Variants in CCDC13 observed in about 807,000 individuals in gnomAD.
CCDC13 encodes coiled-coil domain-containing protein 13.
A neutral mutation model predicts 87.3 loss-of-function variants in CCDC13; 70 were observed. That is an observed-to-expected ratio of 0.80 (90% CI 0.66 to 0.98). The LOEUF (loss-of-function observed/expected upper bound fraction) is 0.98, where lower values mean the gene tolerates loss of function less well. Among genes scored for constraint, CCDC13 ranks in the 50% least tolerant of loss-of-function variants. The pLI is 0.00. For synonymous variants in CCDC13, 317 were observed against 360.3 expected (o/e 0.88, Z 1.36); for missense variants, 842 against 892.0 (o/e 0.94, Z 0.71).
chr3:42,756,105 T>G (rs985314675), intron 3 of CCDC13, among the ~76,000 whole-genome samples: 1 of 152,168 alleles, frequency 6.6e-6, no homozygotes, highest in Non-Finnish European at 1.5e-5. Flanking sequence ...AGAGCTTTGG[T>G]CCTATGAACG....
intron 9 of CCDC13, among the ~76,000 whole-genome samples, chr3:42,736,223 G>C (rs1699014207): frequency 6.6e-6 from 1 of 152,188 alleles, no homozygotes; most frequent in South Asian, 2.1e-4. Flanking sequence ...GAGATATTTA[G>C]CTAAAAGAAA....
rs111957638 is a variant in CCDC13, at chr3:42,707,422, C to T, written c.*1558G>A. ...TAACTTGCTGTGGGATCTCTAGATC[C>T]GTGTGACCCCATGCAGGGTCAGGGG... is the stretch of plus-strand genomic sequence containing the variant. On this transcript the variant is annotated 3_prime_UTR_variant, in exon 16 of 16. Coordinates refer to ENST00000310232, the MANE Select transcript of CCDC13 (RefSeq NM_144719.4). 3.3e-5 allele frequency among the ~76,000 whole-genome samples: 5 copies of T among 152,250 alleles called. No homozygotes were observed. Among genetic ancestry groups the T allele is most frequent in the Middle Eastern group, 3.4e-3 (1 of 294 alleles).
intron 1 of CCDC13, among the ~76,000 whole-genome samples, chr3:42,767,400 T>C (rs1346700371): frequency 6.6e-6 from 1 of 152,172 alleles, no homozygotes; most frequent in African/African-American, 2.4e-5. Flanking sequence ...TATAAAACTC[T>C]GGGAAAAGAC....
At chr3:42,747,459 C>T in intron 5 of CCDC13, 86 bp from the exon 6 acceptor site, 1 of 926,618 alleles carries the variant, frequency 1.1e-6, no homozygotes, top group Non-Finnish European at 1.7e-6. Flanking sequence ...CAAGTCTGTG[C>T]CAGGCACTGT....
At chr3:42,763,101 A>C (rs140011271) in intron 1 of CCDC13, among the ~76,000 whole-genome samples, 2 of 152,352 alleles carry the variant, frequency 1.3e-5, no homozygotes, top group South Asian at 2.1e-4. Context: ...GAACAGAAAA[A>C]GGAAAGTGAT....
intron 1 of CCDC13, among the ~76,000 whole-genome samples, chr3:42,764,388 C>T (rs1203559832): frequency 1.3e-5 from 2 of 152,322 alleles, no homozygotes; most frequent in East Asian, 3.9e-4. Context: ...TTAGTTTACA[C>T]CAGCTTCTTT....
intron 5 of CCDC13, among the ~76,000 whole-genome samples, chr3:42,751,724 C>T (rs183690143): frequency 3.3e-5 from 5 of 152,378 alleles, no homozygotes; most frequent in East Asian, 1.9e-4. Context: ...GCTTCCGACA[C>T]GACATTCTTG....
intron 9 of CCDC13, among the ~76,000 whole-genome samples, chr3:42,737,385 C>T (rs1424199314): frequency 6.6e-6 from 1 of 152,118 alleles, no homozygotes; most frequent in Admixed American, 6.6e-5. Context: ...CGTGTGCATG[C>T]GTCTTTATAG....
At chr3:42,770,667 G>C (rs1701574961) in intron 1 of CCDC13, 1 of 152,332 alleles carries the variant, frequency 6.6e-6, no homozygotes, top group African/African-American at 2.4e-5. Context: ...ACTAAATCTT[G>C]CTACTGCTCA....
At chr3:42,759,572 T>C (rs1490535875) in intron 1 of CCDC13, among the ~76,000 whole-genome samples, 1 of 152,204 alleles carries the variant, frequency 6.6e-6, no homozygotes, top group East Asian at 1.9e-4. Context: ...CTGGCTTCTT[T>C]TTTGCTCAGC....
chr3:42,710,919 T>C (rs1332795081), intron 14 of CCDC13, among the ~76,000 whole-genome samples: 1 of 151,984 alleles, frequency 6.6e-6, no homozygotes, highest in African/African-American at 2.4e-5. Context: ...TTCAGCCTGA[T>C]GGAATTTTCT....
At chr3:42,727,109 T>C (rs3912103) in intron 13 of CCDC13, among the ~76,000 whole-genome samples, 29,606 of 152,214 alleles carry the variant, frequency 0.19, 3,040 homozygotes, top group South Asian at 0.28. Flanking sequence ...TGGTGGCTCA[T>C]GCCCTTACTC....
chr3:42,730,335 G>T, intron 13 of CCDC13, 132 bp downstream of exon 13: 2 of 1,302,394 alleles, frequency 1.5e-6, no homozygotes, highest in Non-Finnish European at 2.1e-6. Flanking sequence ...CATGAGTTGT[G>T]GCTAGGAATG....
At position 42,711,736 on chromosome 3, in the gene CCDC13, C is replaced by T. The variant is rs546270367; in HGVS notation, c.1873+1426G>A. ...TTATAAATCTAGCCTCCTCATTTTA[C>T]GGATGGGCCAGGGGGAGGCGGGTAA... On this transcript the variant is annotated intron_variant, in intron 14 of 15. Coordinates refer to ENST00000310232, the MANE Select transcript of CCDC13 (RefSeq NM_144719.4). 7.2e-5 allele frequency among the ~76,000 whole-genome samples: 11 copies of T among 152,322 alleles called. No individual in the cohort carries two copies. In the East Asian group the frequency reaches 7.7e-4, roughly 11 times the overall value.
At chr3:42,771,835 G>C (rs1700120909) in intron 1 of CCDC13, among the ~76,000 whole-genome samples, 1 of 152,174 alleles carries the variant, frequency 6.6e-6, no homozygotes, top group South Asian at 2.1e-4. Context: ...TACCAGTATA[G>C]TTGTATCAAT....
chr3:42,734,002 G>C (rs1698917145), intron 10 of CCDC13, among the ~76,000 whole-genome samples: 2 of 152,176 alleles, frequency 1.3e-5, no homozygotes, highest in African/African-American at 4.8e-5. Flanking sequence ...TCCTCAGCTG[G>C]AACACCTGGA....
chr3:42,747,028 C>CG (rs1183529495), intron 6 of CCDC13: 1 of 630,902 alleles, frequency 1.6e-6, no homozygotes, highest in African/African-American at 1.8e-5. Flanking sequence ...AGGTATGCTG[C>CG]GGGGGTGGGG....
chr3:42,739,579 C>T lies in CCDC13; in HGVS notation c.1164+55G>A. On this transcript the variant is annotated intron_variant, in intron 9 of 15. Coordinates refer to ENST00000310232, the MANE Select transcript of CCDC13 (RefSeq NM_144719.4). Reference sequence around the variant, plus strand: ...GCTCACTCTGGCCATGGCTGGGGCCCATCCTTTGAGGAACCACCCCTGGCT... The same window carrying T: ...GCTCACTCTGGCCATGGCTGGGGCCTATCCTTTGAGGAACCACCCCTGGCT... 3.8e-6 allele frequency: 6 copies of T among 1,565,432 alleles called. No individual in the cohort carries two copies. In the South Asian group the frequency reaches 7.2e-5, roughly 19 times the overall value.
chr3:42,742,611 C>G (rs542631318), intron 8 of CCDC13, among the ~76,000 whole-genome samples: 1 of 152,282 alleles, frequency 6.6e-6, no homozygotes, highest in South Asian at 2.1e-4. Context: ...ATGACCCTCC[C>G]CCTCTCCCTT....
Sources: allele counts gnomAD v4.1 joint callset (sites outside exome capture counted in the v4.1 genomes callset), GRCh38; gene constraint gnomAD v4.1.1; transcripts MANE v1.5; gene names NCBI Gene and HGNC (gene_info 2026-07-23, HGNC 2026-07-21).